Variants in THSD7B observed in about 807,000 individuals in gnomAD.
THSD7B encodes thrombospondin type-1 domain-containing protein 7B.
Under a neutral mutation model 213.6 loss-of-function variants are expected in THSD7B, and 138 were observed. The observed-to-expected ratio is 0.65, with a 90% CI of 0.56 to 0.74. The LOEUF is 0.74. Ranked by LOEUF, THSD7B falls within the 30% of genes least tolerant of loss-of-function variation. The probability of loss-of-function intolerance (pLI) is 0.00; values close to 1 mark genes in which losing one functional copy is unlikely to be tolerated. For missense variants in THSD7B, 1,931 were observed against 1,991.5 expected (o/e 0.97, Z 0.58); for synonymous variants, 742 against 687.0 (o/e 1.08, Z -1.25).
At chr2:136,902,509 C>T (rs1273132418) in intron 2 of THSD7B, among the ~76,000 whole-genome samples, 3 of 152,178 alleles carry the variant, frequency 2.0e-5, no homozygotes, top group Non-Finnish European at 4.4e-5. Flanking sequence ...CTGGGCCATG[C>T]GCCCTCTGAG....
intron 2 of THSD7B, among the ~76,000 whole-genome samples, chr2:136,941,748 C>T (rs1684831730): frequency 6.6e-6 from 1 of 151,792 alleles, no homozygotes; most frequent in Admixed American, 6.6e-5. Flanking sequence ...GGATATTAGC[C>T]CTTTGTCAGA....
intron 17 of THSD7B, among the ~76,000 whole-genome samples, chr2:137,595,187 A>C (rs1223125974): frequency 2.0e-5 from 3 of 152,006 alleles, no homozygotes; most frequent in Admixed American, 6.6e-5. Flanking sequence ...TATGGCCTCA[A>C]AATTTCCAAT....
intron 2 of THSD7B, among the ~76,000 whole-genome samples, chr2:137,009,472 C>G (rs146533930): frequency 6.6e-6 from 1 of 152,116 alleles, no homozygotes; most frequent in Non-Finnish European, 1.5e-5. Context: ...TCATATTAGT[C>G]TGTTTTCATG....
At chr2:137,515,732 GT>G (rs1385065907) in intron 15 of THSD7B, among the ~76,000 whole-genome samples, 3 of 145,180 alleles carry the variant, frequency 2.1e-5, no homozygotes, top group African/African-American at 7.8e-5. Context: ...TATTTCCTTG[GT>G]TAGCTGAAAT....
chr2:137,064,801 A>T (rs775788787), intron 3 of THSD7B, among the ~76,000 whole-genome samples: 2 of 152,060 alleles, frequency 1.3e-5, no homozygotes, highest in Non-Finnish European at 2.9e-5. Context: ...CCTTTGTCAA[A>T]AATGAATTCA....
At chr2:137,548,362 T>C (rs1680780238) in intron 15 of THSD7B, among the ~76,000 whole-genome samples, 1 of 152,048 alleles carries the variant, frequency 6.6e-6, no homozygotes, top group Admixed American at 6.6e-5. Context: ...CCTTGTTATA[T>C]ACTGGAAGCT....
At chr2:136,776,880 C>T (rs1248757487) in intron 1 of THSD7B, among the ~76,000 whole-genome samples, 1 of 151,744 alleles carries the variant, frequency 6.6e-6, no homozygotes, top group Non-Finnish European at 1.5e-5. Flanking sequence ...ACACATACAA[C>T]CAGAAAGAAA....
At chr2:136,898,579 G>T (rs12613700) in intron 2 of THSD7B, among the ~76,000 whole-genome samples, 1 of 116,582 alleles carries the variant, frequency 8.6e-6, no homozygotes, top group Admixed American at 9.1e-5. Context: ...TTGTCCCCCC[G>T]CCCCCCCGCC....
chr2:137,371,907 C>T (rs1685541237), intron 12 of THSD7B, among the ~76,000 whole-genome samples: 1 of 152,118 alleles, frequency 6.6e-6, no homozygotes, highest in Non-Finnish European at 1.5e-5. Context: ...TTTTCATTCG[C>T]AAAGTTTTCT....
At chr2:137,291,551 T>C (rs1271891206) in intron 12 of THSD7B, among the ~76,000 whole-genome samples, 1 of 152,142 alleles carries the variant, frequency 6.6e-6, no homozygotes, top group East Asian at 1.9e-4. Context: ...AAGTATGATT[T>C]TATTCTGGAA....
At chr2:137,079,472 T>A (rs1405241766) in intron 3 of THSD7B, among the ~76,000 whole-genome samples, 1 of 152,222 alleles carries the variant, frequency 6.6e-6, no homozygotes. Context: ...AAAGTGTTTT[T>A]ATTTGTCTCT....
At chr2:136,944,270 T>A (rs563806938) in intron 2 of THSD7B, among the ~76,000 whole-genome samples, 2 of 152,344 alleles carry the variant, frequency 1.3e-5, no homozygotes, top group East Asian at 3.9e-4. Flanking sequence ...TTTCTGTTCT[T>A]TCACATTTGC....
chr2:137,581,496 G>A (rs1681573737), intron 17 of THSD7B, among the ~76,000 whole-genome samples: 1 of 152,124 alleles, frequency 6.6e-6, no homozygotes, highest in South Asian at 2.1e-4. Context: ...GCTGAGGCAG[G>A]ACACACGGGA....
intron 1 of THSD7B, among the ~76,000 whole-genome samples, chr2:136,866,288 C>T (rs12471391): frequency 7.2e-5 from 11 of 151,912 alleles, no homozygotes; most frequent in East Asian, 3.9e-4. Flanking sequence ...TTTTCTTTCT[C>T]AGGCTTTATT....
intron 20 of THSD7B, among the ~76,000 whole-genome samples, chr2:137,626,329 T>C (rs938992345): frequency 5.3e-5 from 8 of 151,908 alleles, no homozygotes; most frequent in African/African-American, 1.7e-4. Flanking sequence ...CCAGGTGCCG[T>C]GGCGGGCGCC....
chr2:137,331,873 G>A (rs1319947614), intron 12 of THSD7B, among the ~76,000 whole-genome samples: 2 of 152,102 alleles, frequency 1.3e-5, no homozygotes, highest in African/African-American at 4.8e-5. Context: ...TCATTGCCCG[G>A]GGCCGGCGGG....
At position 137,595,105 on chromosome 2, in the gene THSD7B, G is replaced by C. The variant is rs528615142; in HGVS notation, c.3424-21070G>C. Reference sequence around the variant, plus strand: ...GCTACTAAAAGTACTCTTTTTCTGTGGCAAACACAACTTTCCAGTTTTTAT... The same window carrying C: ...GCTACTAAAAGTACTCTTTTTCTGTCGCAAACACAACTTTCCAGTTTTTAT... On this transcript the variant is annotated intron_variant, in intron 17 of 27. Coordinates refer to ENST00000409968, the MANE Select transcript of THSD7B (RefSeq NM_001316349.2). 3.3e-5 allele frequency among the ~76,000 whole-genome samples: 5 copies of C among 151,882 alleles called. No individual in the cohort carries two copies. In the South Asian group the frequency reaches 1.0e-3, roughly 31 times the overall value.
chr2:137,067,871 T>G (rs1360568136), intron 3 of THSD7B, among the ~76,000 whole-genome samples: 1 of 152,064 alleles, frequency 6.6e-6, no homozygotes, highest in Non-Finnish European at 1.5e-5. Flanking sequence ...TTTCTTATCT[T>G]CACTGTGAGA....
chr2:137,566,886 C>T (rs1681248821), intron 16 of THSD7B, among the ~76,000 whole-genome samples: 1 of 151,982 alleles, frequency 6.6e-6, no homozygotes, highest in South Asian at 2.1e-4. Context: ...ATTATTTTGG[C>T]AAGATGGTCA....
Sources: allele counts gnomAD v4.1 joint callset (sites outside exome capture counted in the v4.1 genomes callset), GRCh38; gene constraint gnomAD v4.1.1; transcripts MANE v1.5; gene names NCBI Gene and HGNC (gene_info 2026-07-23, HGNC 2026-07-21).